CREBRF: variants seen among roughly 807,000 people sequenced by gnomAD.
CREBRF encodes the protein CREB3 regulatory factor.
In CREBRF, 5 loss-of-function variants were observed where a neutral mutation model predicts 66.1. That is an observed-to-expected ratio of 0.08 (90% CI 0.04 to 0.16). CREBRF has a LOEUF of 0.16. Among genes scored for constraint, CREBRF ranks in the 10% least tolerant of loss-of-function variants. The pLI is 1.00. For missense variants in CREBRF, 531 were observed against 744.9 expected (o/e 0.71, Z 3.34); for synonymous variants, 229 against 264.4 (o/e 0.87, Z 1.30).
At chr5:173,059,519 C>T (rs973273999) in intron 1 of CREBRF, among the ~76,000 whole-genome samples, 7 of 152,116 alleles carry the variant, frequency 4.6e-5, no homozygotes, top group African/African-American at 1.4e-4. Context: ...CTGCCTTGGC[C>T]TCCCAAAGTG....
intron 2 of CREBRF, among the ~76,000 whole-genome samples, chr5:173,084,420 A>G (rs112969850): frequency 2.0e-5 from 3 of 152,348 alleles, no homozygotes; most frequent in African/African-American, 4.8e-5. Context: ...AGAGTCATCC[A>G]TAAGCATGCC....
chr5:173,078,503 G>A (rs1352319754), intron 1 of CREBRF, among the ~76,000 whole-genome samples: 28 of 149,304 alleles, frequency 1.9e-4, no homozygotes, highest in African/African-American at 5.2e-4. Flanking sequence ...TTTATTATTC[G>A]TAAAATACTC....
chr5:173,120,985 G>A (rs903379314), intron 7 of CREBRF, among the ~76,000 whole-genome samples: 3 of 152,060 alleles, frequency 2.0e-5, no homozygotes, highest in East Asian at 1.9e-4. Context: ...GAGCCACCGC[G>A]TCCGGCCTTC....
chr5:173,136,169 G>A lies in CREBRF; in HGVS notation c.*2424G>A, dbSNP rs934979153. 6.6e-6 allele frequency: 1 copy of A among 151,448 alleles called. No individual in the cohort carries two copies. Among genetic ancestry groups the A allele is most frequent in the Non-Finnish European group, 1.5e-5 (1 of 67,708 alleles). The allele number at this position is 151,448 out of a possible 1,614,324, so 9.4% of individuals were successfully genotyped here. On this transcript the variant is annotated 3_prime_UTR_variant, in exon 9 of 9. Transcript: ENST00000296953. ...TCTAGCTGCTCTGTTAGGAATTCTGGTTTTTGATACTTTTTTCCTGTCTGC... is the reference window on the plus strand; with the variant it reads ...TCTAGCTGCTCTGTTAGGAATTCTGATTTTTGATACTTTTTTCCTGTCTGC...
intron 8 of CREBRF, among the ~76,000 whole-genome samples, chr5:173,124,919 C>CTTTTTT (rs373993898): frequency 1.8e-5 from 2 of 112,770 alleles, no homozygotes; most frequent in African/African-American, 3.3e-5. Flanking sequence ...TCTTCTTCTT[C>CTTTTTT]TTTTTTTTTT....
At chr5:173,056,696 C>G (rs1289284008) in intron 1 of CREBRF, among the ~76,000 whole-genome samples, 1 of 152,022 alleles carries the variant, frequency 6.6e-6, no homozygotes, top group Admixed American at 6.5e-5. Context: ...CTCCCCCACC[C>G]CCGGCCCGGG....
chr5:173,093,587 G>C (rs1233282557), intron 4 of CREBRF, among the ~76,000 whole-genome samples: 1 of 152,154 alleles, frequency 6.6e-6, no homozygotes, highest in Non-Finnish European at 1.5e-5. Context: ...CACAATCTTG[G>C]CTCACTGCAA....
intron 1 of CREBRF, among the ~76,000 whole-genome samples, chr5:173,077,315 A>G (rs944305816): frequency 2.0e-5 from 3 of 152,198 alleles, no homozygotes; most frequent in Non-Finnish European, 2.9e-5. Flanking sequence ...AAAATTTACT[A>G]TTTTAATCAT....
chr5:173,130,315 TTTTG>T (rs1199888732), intron 8 of CREBRF, among the ~76,000 whole-genome samples: 1 of 152,210 alleles, frequency 6.6e-6, no homozygotes, highest in Non-Finnish European at 1.5e-5. Flanking sequence ...ATGGTTTCAC[TTTTG>T]TTTGTATCCT....
chr5:173,090,812 A>G lies in CREBRF; in HGVS notation c.633A>G (p.Thr211=), dbSNP rs765682218. 3.1e-6 allele frequency: 5 copies of G among 1,614,052 alleles called. No homozygotes were observed. The highest frequency in any genetic ancestry group is 2.2e-5 in the East Asian group (1 of 44,894). The change falls in exon 4 of 9, where the codon ACA becomes ACG. Residue 211 remains threonine, a synonymous_variant. Transcript: ENST00000296953. The surrounding 1 kb of genome is among the most constrained non-coding windows in gnomAD (Gnocchi z 4.5). ...AAGCAAGTAAACCCACTTCAAGCAC[A>G]CAAATCATGGTGAAGACCAACATGT... ...VQKASKPTSS[T]QIMVKTNMYH...
chr5:173,134,353 T>C lies in CREBRF; in HGVS notation c.*608T>C. On this transcript the variant is annotated 3_prime_UTR_variant, in exon 9 of 9. Transcript: ENST00000296953. Reference sequence around the variant, plus strand: ...AAAAGCATATTCTTTGTGCCTTGTATTTTGGGGAAACTCTAAAACTGGTAA... The same window carrying C: ...AAAAGCATATTCTTTGTGCCTTGTACTTTGGGGAAACTCTAAAACTGGTAA... The C allele has an allele frequency of 3.3e-6, 1 of 304,698 alleles. No individual in the cohort carries two copies. Among genetic ancestry groups the C allele is most frequent in the Non-Finnish European group, 6.6e-6 (1 of 150,692 alleles). 18.9% of individuals were successfully genotyped at this position (304,698 alleles called of 1,614,324 possible). A position where few individuals can be genotyped will look rare whatever the true frequency, so the allele number is the denominator to read the frequency against.
At chr5:173,061,212 C>A (rs903003337) in intron 1 of CREBRF, among the ~76,000 whole-genome samples, 1 of 152,106 alleles carries the variant, frequency 6.6e-6, no homozygotes, top group Non-Finnish European at 1.5e-5. Flanking sequence ...CTGATCTGCC[C>A]GCCTCAGCCT....
chr5:173,113,181 G>A (rs768903390), intron 7 of CREBRF, among the ~76,000 whole-genome samples: 7 of 152,260 alleles, frequency 4.6e-5, no homozygotes, highest in Non-Finnish European at 7.4e-5. Flanking sequence ...TTTCATAGAG[G>A]TGGAGTTTCT....
At chr5:173,091,700 T>C in intron 4 of CREBRF, 1 of 1,068,866 alleles carries the variant, frequency 9.4e-7, no homozygotes, top group Non-Finnish European at 1.1e-6. Context: ...GCTGAGGACT[T>C]ATTCTTAATG....
intron 1 of CREBRF, among the ~76,000 whole-genome samples, chr5:173,079,994 C>T (rs1030306279): frequency 1.3e-4 from 20 of 152,194 alleles, no homozygotes; most frequent in African/African-American, 4.8e-4. Context: ...CAAACATACA[C>T]CTGTTAAAAA....
At chr5:173,073,195 A>G (rs1404390034) in intron 1 of CREBRF, among the ~76,000 whole-genome samples, 1 of 152,238 alleles carries the variant, frequency 6.6e-6, no homozygotes, top group Non-Finnish European at 1.5e-5. Context: ...AGTCTTTGTA[A>G]CAATAGGTTT....
At chr5:173,133,560 C>G (rs1435187478) in intron 8 of CREBRF, 70 bp from the exon 9 acceptor site, 2 of 819,776 alleles carry the variant, frequency 2.4e-6, no homozygotes, top group African/African-American at 3.4e-5. Context: ...TCAGTTTTTA[C>G]CAGCTCCTTC....
intron 1 of CREBRF, among the ~76,000 whole-genome samples, chr5:173,072,302 G>A (rs1263678955): frequency 6.6e-6 from 1 of 151,450 alleles, no homozygotes; most frequent in Non-Finnish European, 1.5e-5. Context: ...TTAAGACAGT[G>A]TCTTGCTCTG....
At chr5:173,094,419 T>C (rs1758425097) in intron 4 of CREBRF, among the ~76,000 whole-genome samples, 3 of 152,240 alleles carry the variant, frequency 2.0e-5, no homozygotes, top group Non-Finnish European at 2.9e-5. Context: ...ACAAGAGTTC[T>C]CTTTTTTCCA....
Sources: gnomAD v4.1 joint callset for allele counts (sites outside exome capture counted in the v4.1 genomes callset) on GRCh38, gnomAD v4.1.1 for gene constraint, Gnocchi (gnomAD v3.1) non-coding constraint, MANE v1.5 for transcripts, NCBI Gene and HGNC (gene_info 2026-07-23, HGNC 2026-07-21) for gene names.